Variants in ADCY3 observed in about 807,000 individuals in gnomAD.
The protein encoded by ADCY3 is adenylate cyclase type 3.
A neutral mutation model predicts 119.4 loss-of-function variants in ADCY3; 70 were observed. The ratio of observed to expected loss-of-function variants is 0.59; its 90% CI spans 0.48 to 0.72. The LOEUF (loss-of-function observed/expected upper bound fraction) is 0.72. Ranked by LOEUF, ADCY3 falls within the 30% of genes least tolerant of loss-of-function variation. ADCY3 has a pLI of 0.00. For synonymous variants in ADCY3, 672 were observed against 621.4 expected (o/e 1.08, Z -1.21); for missense variants, 1,238 against 1,541.6 (o/e 0.80, Z 3.30).
intron 2 of ADCY3, among the ~76,000 whole-genome samples, chr2:24,889,072 C>T (rs978223737): frequency 3.3e-5 from 5 of 152,200 alleles, no homozygotes; most frequent in African/African-American, 4.8e-5. Flanking sequence ...TATTGATACA[C>T]GCACCTTCTG....
chr2:24,908,301 C>G (rs6718628), intron 2 of ADCY3, among the ~76,000 whole-genome samples: 78,789 of 151,090 alleles, frequency 0.52, 22,602 homozygotes, highest in African/African-American at 0.78. Flanking sequence ...CTGGCCTGGG[C>G]AACAAGAGCG....
chr2:24,902,700 C>G (rs996919745), intron 2 of ADCY3, among the ~76,000 whole-genome samples: 4 of 152,044 alleles, frequency 2.6e-5, no homozygotes, highest in Admixed American at 2.0e-4. Context: ...CAGATGAAGA[C>G]CTTTTGATGA....
chr2:24,912,026 C>T (rs1360953871), intron 2 of ADCY3, among the ~76,000 whole-genome samples: 1 of 152,206 alleles, frequency 6.6e-6, no homozygotes, highest in African/African-American at 2.4e-5. Context: ...CCAGAAGGCA[C>T]TAAACTGTAA....
intron 19 of ADCY3, 155 bp from the exon 20 acceptor site, chr2:24,821,795 C>T (rs2148349176): frequency 1.8e-6 from 2 of 1,107,968 alleles, no homozygotes; most frequent in Non-Finnish European, 1.3e-6. Flanking sequence ...GCCACGCTAG[C>T]TCTGACTTGC....
chr2:24,820,881 C>T (rs960108363), intron 20 of ADCY3, 33 bp from the exon 21 acceptor site: 1 of 1,609,476 alleles, frequency 6.2e-7, no homozygotes, highest in Non-Finnish European at 8.5e-7. Flanking sequence ...AGCACAGCCA[C>T]AGGCCACACC....
chr2:24,825,351 C>CG (rs1558404285), intron 16 of ADCY3, among the ~76,000 whole-genome samples: 7 of 11,866 alleles, frequency 5.9e-4, no homozygotes, highest in African/African-American at 2.7e-3. Flanking sequence ...GGGGGGGGTG[C>CG]GGGGGGGGTG....
At chr2:24,906,043 C>G (rs1055838614) in intron 2 of ADCY3, among the ~76,000 whole-genome samples, 2 of 152,014 alleles carry the variant, frequency 1.3e-5, no homozygotes, top group African/African-American at 4.8e-5. Context: ...ATAGGAAATG[C>G]CACCTGTAAT....
rs529549019 is a variant in ADCY3, at chr2:24,830,242, T to C, written c.2172+467A>G. On this transcript the variant is annotated intron_variant, in intron 13 of 21. Coordinates refer to ENST00000679454, the MANE Select transcript of ADCY3 (RefSeq NM_004036.5). ...TTTTAGTACAGATGGGGTTTCACCA[T>C]GTTGGCCAGGCTGGTTTCGAACTCC... Among the ~76,000 whole-genome samples the C allele has an allele frequency of 2.2e-4, 33 of 151,678 alleles. 1 individual carries two copies. In the East Asian group the frequency reaches 6.2e-3, roughly 28 times the overall value.
intron 2 of ADCY3, among the ~76,000 whole-genome samples, chr2:24,896,204 C>T (rs909886186): frequency 3.9e-5 from 6 of 151,914 alleles, no homozygotes; most frequent in African/African-American, 1.2e-4. Context: ...GTCAACATGG[C>T]GAAACCCCAT....
At position 24,834,429 on chromosome 2, in the gene ADCY3, C is replaced by CG. The variant is rs1396450659; in HGVS notation, c.1967+55dup. The CG allele has an allele frequency of 4.9e-5, 62 of 1,262,270 alleles. No homozygotes were observed. Among genetic ancestry groups the CG allele is most frequent in the Middle Eastern group, 2.7e-4 (1 of 3,652 alleles). The allele number at this position is 1,262,270 out of a possible 1,614,324, so 78.2% of individuals were successfully genotyped here. A position where few individuals can be genotyped will look rare whatever the true frequency, so the allele number is the denominator to read the frequency against. On this transcript the variant is annotated intron_variant, in intron 11 of 21. Transcript: ENST00000679454. The surrounding 1 kb of genome is among the most constrained non-coding windows in gnomAD (Gnocchi z 4.2). ...CGCTGAGACACCTGCCCCCGCCCCC[C>CG]GCCCGGCACCACCGCAGCCGAGGAA...
rs1215658757 is a variant in ADCY3, at chr2:24,870,615, A to T, written c.825+1955T>A. Among the ~76,000 whole-genome samples, 9 of 152,140 alleles carry T rather than the reference A, an allele frequency of 5.9e-5. No homozygotes were observed. In the East Asian group the frequency reaches 1.7e-3, roughly 29 times the overall value. On this transcript the variant is annotated intron_variant, in intron 3 of 21. Transcript: ENST00000679454. ...TCTGCCACTGCAGCGTGGGCAGGCA[A>T]TGCAGAGAAGCACCACTGTGGCCCG...
chr2:24,827,491 G>A (rs921339565), intron 15 of ADCY3, 55 bp downstream of exon 15: 3 of 1,542,110 alleles, frequency 1.9e-6, no homozygotes, highest in African/African-American at 1.4e-5. Context: ...TTATATTCCT[G>A]TCTCTAGAAG....
At chr2:24,832,443 A>G (rs1669726782) in intron 11 of ADCY3, among the ~76,000 whole-genome samples, 1 of 152,132 alleles carries the variant, frequency 6.6e-6, no homozygotes, top group Admixed American at 6.5e-5. Flanking sequence ...CCCCAGCTTC[A>G]CAGTGGACAC....
At chr2:24,882,150 T>TA (rs1305263640) in intron 2 of ADCY3, among the ~76,000 whole-genome samples, 1 of 152,170 alleles carries the variant, frequency 6.6e-6, no homozygotes, top group African/African-American at 2.4e-5. Context: ...TCCTGATACT[T>TA]ACTGAACATA....
intron 13 of ADCY3, among the ~76,000 whole-genome samples, chr2:24,828,859 TGC>T (rs1669008467): frequency 6.6e-6 from 1 of 152,172 alleles, no homozygotes; most frequent in Non-Finnish European, 1.5e-5. Flanking sequence ...CAGGACCCCA[TGC>T]AGTGGTGACC....
chr2:24,898,650 T>C lies in ADCY3; in HGVS notation c.675+19663A>G, dbSNP rs1409384077. Among the ~76,000 whole-genome samples the C allele has an allele frequency of 6.6e-6, 1 of 152,022 alleles. No individual in the cohort carries two copies. The highest frequency in any genetic ancestry group is 2.4e-5 in the African/African-American group (1 of 41,388). ...TCCCATTTCCGCCTCTGACTTCCTT[T>C]CCACAAAGCAAAGGAGCAGAAGCCA... On this transcript the variant is annotated intron_variant, in intron 2 of 21. Transcript: ENST00000679454. The surrounding 1 kb of genome is among the most constrained non-coding windows in gnomAD (Gnocchi z 4.3).
intron 11 of ADCY3, chr2:24,832,051 C>CGGGGGAAGGGGGAA (rs1319318104): frequency 6.2e-5 from 1 of 16,060 alleles, no homozygotes; most frequent in African/African-American, 2.1e-4. Flanking sequence ...AGACAAGGAC[C>CGGGGGAAGGGGGAA]GGGGGAAGGG....
Position 24,918,863 on chromosome 2 carries a change from T to A in ADCY3, c.125A>T (p.Asn42Ile), listed in dbSNP as rs759499561. 23 of 1,613,086 alleles carry A rather than the reference T, an allele frequency of 1.4e-5. No homozygotes were observed. The South Asian group carries it at 2.5e-4, about 18-fold the overall frequency. ...VGRTHEISVR[N>I]SGSCLCLPRF... is the part of the protein sequence containing the mutation. ...AGGCAGGCACAGGCAGGAGCCCGAGTTCCGGACCGAGATTTCATGGGTCCG... is the reference window on the plus strand; with the variant it reads ...AGGCAGGCACAGGCAGGAGCCCGAGATCCGGACCGAGATTTCATGGGTCCG... The change falls in exon 2 of 22, where the codon AAC (asparagine) becomes ATC (isoleucine). Residue 42 changes from asparagine to isoleucine, a missense_variant. This residue lies in a region of ADCY3 where 227 missense variants were observed against 249.3 expected (regional missense o/e 0.91). Transcript: ENST00000679454. This position sits in a 1 kb window ranked among gnomAD's most constrained non-coding sequence, Gnocchi z 5.4.
chr2:24,837,871 C>T (rs948614197), intron 8 of ADCY3, among the ~76,000 whole-genome samples: 2 of 152,166 alleles, frequency 1.3e-5, no homozygotes, highest in African/African-American at 2.4e-5. Flanking sequence ...ACAGGATGCA[C>T]GATTGCAAGC....
Sources: allele counts gnomAD v4.1 joint callset (sites outside exome capture counted in the v4.1 genomes callset), GRCh38; gene constraint gnomAD v4.1.1; regional missense constraint gnomAD v4.1.1; non-coding constraint Gnocchi (gnomAD v3.1); transcripts MANE v1.5; gene names NCBI Gene and HGNC (gene_info 2026-07-23, HGNC 2026-07-21).